The following ATRNL1 variants were observed in gnomAD, a reference collection of about 807,000 sequenced individuals.
ATRNL1 encodes attractin like 1.
Under a neutral mutation model 182.7 loss-of-function variants are expected in ATRNL1, and 95 were observed. The ratio of observed to expected loss-of-function variants is 0.52; its 90% CI spans 0.44 to 0.62. The LOEUF is 0.62. Among genes scored for constraint, ATRNL1 ranks in the 20% least tolerant of loss-of-function variants. The pLI, the probability that ATRNL1 is intolerant of heterozygous loss-of-function variation, is 0.00. For synonymous variants in ATRNL1, 576 were observed against 568.3 expected (o/e 1.01, Z -0.19); for missense variants, 1,471 against 1,679.5 (o/e 0.88, Z 2.17).
intron 28 of ATRNL1, among the ~76,000 whole-genome samples, chr10:115,939,736 C>A (rs923188171): frequency 3.3e-5 from 5 of 152,032 alleles, no homozygotes; most frequent in Non-Finnish European, 7.4e-5. Flanking sequence ...CTGGAGTGAC[C>A]TGATTTTAAT....
chr10:115,558,084 A>G (rs57158754), intron 26 of ATRNL1, among the ~76,000 whole-genome samples: 1 of 150,908 alleles, frequency 6.6e-6, no homozygotes, highest in South Asian at 2.1e-4. Context: ...AAAACCATTT[A>G]AAATACCTGG....
At chr10:115,657,521 T>TA (rs1860402460) in intron 26 of ATRNL1, among the ~76,000 whole-genome samples, 1 of 152,176 alleles carries the variant, frequency 6.6e-6, no homozygotes, top group Non-Finnish European at 1.5e-5. Context: ...AGTATTTACA[T>TA]AAAAATATAG....
intron 26 of ATRNL1, among the ~76,000 whole-genome samples, chr10:115,624,388 TAGTC>T (rs1315893209): frequency 2.6e-5 from 4 of 152,118 alleles, no homozygotes; most frequent in East Asian, 1.9e-4. Flanking sequence ...TATTGCAAAA[TAGTC>T]AGCAATAAAC....
At chr10:115,621,292 G>C (rs1245571403) in intron 26 of ATRNL1, among the ~76,000 whole-genome samples, 1 of 124,810 alleles carries the variant, frequency 8.0e-6, no homozygotes, top group Non-Finnish European at 1.7e-5. Flanking sequence ...GAGAGAGAGA[G>C]AGAGAGAGAG....
chr10:115,211,562 A>G (rs1335434123), intron 8 of ATRNL1, among the ~76,000 whole-genome samples: 1 of 151,652 alleles, frequency 6.6e-6, no homozygotes, highest in East Asian at 1.9e-4. Context: ...TAGTTTCTTG[A>G]ATCTGTAAGT....
intron 27 of ATRNL1, among the ~76,000 whole-genome samples, chr10:115,780,487 G>A (rs1333662302): frequency 1.2e-4 from 18 of 152,158 alleles, no homozygotes; most frequent in African/African-American, 4.3e-4. Context: ...GGCTGCTAAG[G>A]AAGTGCTTGT....
chr10:115,527,128 TTTC>T (rs782751245), intron 25 of ATRNL1, among the ~76,000 whole-genome samples: 131 of 112,800 alleles, frequency 1.2e-3, no homozygotes, highest in African/African-American at 4.0e-3. Flanking sequence ...TTTTTTTTTT[TTTC>T]CCCCCCGAGA....
intron 24 of ATRNL1, among the ~76,000 whole-genome samples, chr10:115,491,605 C>G (rs1849304899): frequency 6.6e-6 from 1 of 152,138 alleles, no homozygotes; most frequent in African/African-American, 2.4e-5. Context: ...CCCCACCAAG[C>G]TGGAGCATCC....
At chr10:115,406,140 C>G (rs1439727745) in intron 20 of ATRNL1, among the ~76,000 whole-genome samples, 1 of 151,934 alleles carries the variant, frequency 6.6e-6, no homozygotes. Context: ...GTGAGTAGTG[C>G]CGCAATAAAC....
chr10:115,844,977 T>C (rs11814381), intron 27 of ATRNL1, among the ~76,000 whole-genome samples: 9,407 of 151,934 alleles, frequency 0.062, 973 homozygotes, highest in African/African-American at 0.21. Flanking sequence ...CTATTTTCTG[T>C]TGTAAAATTC....
chr10:115,419,319 C>T (rs1263782562), intron 20 of ATRNL1, among the ~76,000 whole-genome samples: 1 of 151,956 alleles, frequency 6.6e-6, no homozygotes, highest in Admixed American at 6.6e-5. Flanking sequence ...AAACACATTA[C>T]TAGAGTGAAT....
intron 2 of ATRNL1, 32 bp from the exon 3 acceptor site, chr10:115,121,667 T>G: frequency 9.8e-7 from 1 of 1,023,636 alleles, no homozygotes; most frequent in Non-Finnish European, 1.4e-6. Context: ...TTGTATATTT[T>G]AATTTGAAAA....
At chr10:115,795,871 G>C (rs1555082834) in intron 27 of ATRNL1, among the ~76,000 whole-genome samples, 1 of 152,006 alleles carries the variant, frequency 6.6e-6, no homozygotes, top group Non-Finnish European at 1.5e-5. Context: ...GATTTGGGTG[G>C]GGACACAGAG....
chr10:115,787,554 C>T (rs1457314998), intron 27 of ATRNL1, among the ~76,000 whole-genome samples: 1 of 152,034 alleles, frequency 6.6e-6, no homozygotes, highest in Non-Finnish European at 1.5e-5. Context: ...AATCCACATA[C>T]TAGGGATATT....
chr10:115,814,019 G>A (rs1164567191), intron 27 of ATRNL1, among the ~76,000 whole-genome samples: 1 of 151,918 alleles, frequency 6.6e-6, no homozygotes, highest in African/African-American at 2.4e-5. Flanking sequence ...TTATGTTGGT[G>A]CTAAGAATCT....
chr10:115,140,101 G>T (rs935875920), intron 5 of ATRNL1, among the ~76,000 whole-genome samples: 1 of 152,174 alleles, frequency 6.6e-6, no homozygotes, highest in African/African-American at 2.4e-5. Flanking sequence ...TGGAGAGAAA[G>T]AATTGTAAAT....
chr10:115,687,919 A>C (rs782755437), intron 26 of ATRNL1, among the ~76,000 whole-genome samples: 1 of 151,992 alleles, frequency 6.6e-6, no homozygotes, highest in Non-Finnish European at 1.5e-5. Context: ...TATTTTATCT[A>C]ACTGTATGTT....
At chr10:115,573,735 AATAG>A (rs1237428335) in intron 26 of ATRNL1, among the ~76,000 whole-genome samples, 4 of 152,182 alleles carry the variant, frequency 2.6e-5, no homozygotes, top group Non-Finnish European at 5.9e-5. Context: ...AGATGGTTAG[AATAG>A]CCTTCACCAA....
intron 28 of ATRNL1, among the ~76,000 whole-genome samples, chr10:115,860,529 A>G (rs1000399705): frequency 1.3e-5 from 2 of 151,390 alleles, no homozygotes; most frequent in Non-Finnish European, 2.9e-5. Context: ...AAATAGATAC[A>G]TAAAAAAAAA....
Sources: gnomAD v4.1 joint callset for allele counts (sites outside exome capture counted in the v4.1 genomes callset) on GRCh38, gnomAD v4.1.1 for gene constraint, MANE v1.5 for transcripts, NCBI Gene and HGNC (gene_info 2026-07-23, HGNC 2026-07-21) for gene names.